Variants in TIMM17B observed in about 807,000 individuals in gnomAD.
TIMM17B encodes mitochondrial import inner membrane translocase subunit Tim17-B.
A neutral mutation model predicts 15.9 loss-of-function variants in TIMM17B; 10 were observed. That is an observed-to-expected ratio of 0.63 (90% confidence interval 0.39 to 1.06). The LOEUF is 1.06. Ranked by LOEUF, TIMM17B falls within the 50% of genes least tolerant of loss-of-function variation. The pLI is 0.01. For missense variants in TIMM17B, 114 were observed against 152.2 expected (o/e 0.75, Z 1.32); for synonymous variants, 57 against 57.2 (o/e 1.00, Z 0.02).
rs1199209691 is a variant in TIMM17B at position 48,898,111 on chromosome X, G to T, written c.-117C>A. ...ACGTTGGGGTGGGTGCACTCTTTTGGAGCTGGAGGAAGTGCTGCCCTCTGC... is the reference window on the plus strand; with the variant it reads ...ACGTTGGGGTGGGTGCACTCTTTTGTAGCTGGAGGAAGTGCTGCCCTCTGC... On this transcript the variant is annotated 5_prime_UTR_variant, in exon 1 of 7. Transcript: ENST00000376582. The T allele has an allele frequency of 8.9e-6, 9 of 1,016,230 alleles. No individual in the cohort carries two copies. In the East Asian group the frequency reaches 3.9e-4, roughly 44 times the overall value. 83.7% of individuals were successfully genotyped at this position (1,016,230 alleles called of 1,213,427 possible). A position where few individuals can be genotyped will look rare whatever the true frequency, so the allele number is the denominator to read the frequency against.
At chrX:48,898,025 G>A in intron 1 of TIMM17B, 1 of 1,008,809 alleles carries the variant, frequency 9.9e-7, no homozygotes, top group East Asian at 3.6e-5. Context: ...GTATCGTAGC[G>A]GCGACACGAG....
At chrX:48,894,915 C>T in intron 4 of TIMM17B, 123 bp downstream of exon 3, 3 of 575,340 alleles carry the variant, frequency 5.2e-6, no homozygotes, top group Non-Finnish European at 8.8e-6. Flanking sequence ...AAACATCACC[C>T]CCCTAGAAAG....
chrX:48,895,713 T>C (rs2063303736), intron 3 of TIMM17B: 2 of 333,533 alleles, frequency 6.0e-6, no homozygotes, highest in Non-Finnish European at 1.1e-5. Context: ...GTCATGGCAT[T>C]TGCGATCTTC....
At chrX:48,897,819 C>T in exon 2 of TIMM17B, 2 of 1,179,709 alleles carry the variant, frequency 1.7e-6, no homozygotes, top group South Asian at 3.7e-5. Context: ...CGGAGCTTTC[C>T]GCCTATTACC....
chrX:48,893,895 C>T lies in TIMM17B; in HGVS notation c.430+5G>A, dbSNP rs782715096. 8.3e-7 allele frequency: 1 copy of T among 1,204,642 alleles called. No individual in the cohort carries two copies. The highest frequency in any genetic ancestry group is 2.2e-5 in the Admixed American group (1 of 45,838). On this transcript the variant is annotated splice_donor_5th_base_variant and intron_variant, in intron 6 of 6. Transcript: ENST00000376582. ...TTCCCACTCCCCCGACCACCAGTTA[C>T]TCACCATTTCGGAACTGCTGGGCTG... is the stretch of plus-strand genomic sequence containing the variant.
At chrX:48,895,499 G>A in intron 3 of TIMM17B, 1 of 515,380 alleles carries the variant, frequency 1.9e-6, no homozygotes, top group Non-Finnish European at 3.5e-6. Flanking sequence ...ACAGCAATCT[G>A]CACTGTAGAG....
intron 2 of TIMM17B, 131 bp from the exon 2 acceptor site, chrX:48,896,989 A>C (rs2063319343): frequency 1.8e-6 from 2 of 1,111,806 alleles, no homozygotes; most frequent in African/African-American, 3.7e-5. Flanking sequence ...AACACTTCAG[A>C]TAATAATGAG....
At chrX:48,896,633 A>T (rs2063315637) in intron 3 of TIMM17B, 126 bp downstream of exon 2, 1 of 1,117,294 alleles carries the variant, frequency 9.0e-7, no homozygotes, top group Admixed American at 3.0e-5. Context: ...CTCGGCACAT[A>T]GTAGGTGAGT....
At chrX:48,897,109 G>A in intron 2 of TIMM17B, 1 of 587,193 alleles carries the variant, frequency 1.7e-6, no homozygotes, top group Admixed American at 4.2e-5. Context: ...ATCAGCCAAC[G>A]GTTTTACTGT....
At chrX:48,893,724 C>T in exon 7 of TIMM17B, 1 of 1,149,897 alleles carries the variant, frequency 8.7e-7, no homozygotes, top group Non-Finnish European at 1.2e-6. Flanking sequence ...GTGGCAGTGG[C>T]TTCCTCAGTG....
In TIMM17B at chrX:48,894,227, T is replaced by A; in HGVS notation, c.191-2A>T. The A allele has an allele frequency of 8.3e-7, 1 of 1,208,574 alleles. No individual in the cohort carries two copies. ...GGCCCCCCCACACTGCGAAGCTACC[T>A]GTAGTGGAACCGAGGCCTAATTAGT... is the stretch of plus-strand genomic sequence containing the variant. On this transcript the variant is annotated splice_acceptor_variant, in intron 4 of 6. Coordinates refer to ENST00000376582, the Ensembl canonical transcript of TIMM17B. LOFTEE classifies it high-confidence loss of function.
exon 4 of TIMM17B, chrX:48,895,071 T>C: frequency 1.7e-6 from 2 of 1,201,996 alleles, no homozygotes; most frequent in East Asian, 5.9e-5. Flanking sequence ...CTCACAGCAT[T>C]GGCACTACCT....
chrX:48,897,749 TG>T, exon 2 of TIMM17B: 1 of 1,209,412 alleles, frequency 8.3e-7, no homozygotes, highest in South Asian at 1.8e-5. Flanking sequence ...TACTCCTCCA[TG>T]GCGCTGGCGT....
At position 48,893,902 on chromosome X, in the gene TIMM17B, T is replaced by C. The variant is rs781801663; in HGVS notation, c.428A>G (p.Asn143Ser). 16 of 1,204,799 alleles carry C rather than the reference T, an allele frequency of 1.3e-5. No homozygotes were observed. The South Asian group carries it at 2.3e-4, about 17-fold the overall frequency. Reference sequence around the variant, plus strand: ...TCCCCCGACCACCAGTTACTCACCATTTCGGAACTGCTGGGCTGTGTAGCG... The same window carrying C: ...TCCCCCGACCACCAGTTACTCACCACTTCGGAACTGCTGGGCTGTGTAGCG... Residue 143 changes from asparagine (N) to serine (S), a missense_variant and splice_region_variant, in exon 6 of 7, where the codon AAT (asparagine) becomes AGT (serine). Physicochemically the swap from Asn to Ser is conservative, Grantham distance 46. Coordinates refer to ENST00000376582, the Ensembl canonical transcript of TIMM17B.
At chrX:48,893,769 G>A (rs782624478) in exon 7 of TIMM17B, 1 of 1,169,885 alleles carries the variant, frequency 8.5e-7, no homozygotes, top group African/African-American at 1.8e-5. Flanking sequence ...TGGGGCCGGG[G>A]TGCCATCCTT....
At chrX:48,894,044 G>C in intron 5 of TIMM17B, 34 bp from the exon 5 acceptor site, 4 of 1,198,825 alleles carry the variant, frequency 3.3e-6, no homozygotes, top group Non-Finnish European at 4.5e-6. Flanking sequence ...ACAGAGGTGA[G>C]AGCAGGCAGA....
exon 5 of TIMM17B, chrX:48,894,172 G>A (rs782205821): frequency 5.8e-6 from 7 of 1,204,842 alleles, no homozygotes; most frequent in African/African-American, 3.5e-5. Flanking sequence ...CCCCGAAGCC[G>A]CACCAGGCCA....
intron 4 of TIMM17B, 91 bp from the exon 4 acceptor site, chrX:48,894,316 A>T: frequency 2.0e-6 from 2 of 984,170 alleles, no homozygotes; most frequent in Non-Finnish European, 2.8e-6. Context: ...TTTGGCCAAG[A>T]ACAGGGAGAA....
chrX:48,894,766 C>T (rs1412504972), intron 4 of TIMM17B, among the ~76,000 whole-genome samples: 1 of 111,602 alleles, frequency 9.0e-6, no homozygotes, highest in Non-Finnish European at 1.9e-5. Flanking sequence ...GAAGTGGTTA[C>T]TGTTATCACC....
Sources: gnomAD v4.1 joint callset for allele counts (sites outside exome capture counted in the v4.1 genomes callset) on GRCh38, gnomAD v4.1.1 for gene constraint, MANE v1.5 for transcripts, NCBI Gene and HGNC (gene_info 2026-07-23, HGNC 2026-07-21) for gene names.